JARID2: variants seen among roughly 807,000 people sequenced by gnomAD.
JARID2 encodes protein Jumonji.
JARID2 carries 21 observed loss-of-function variants against 125.6 expected under a neutral mutation model. The observed-to-expected ratio is 0.17, with a 90% CI of 0.12 to 0.24. The LOEUF (loss-of-function observed/expected upper bound fraction) is 0.24. JARID2 is among the 10% of genes least tolerant of loss of function. The pLI, the probability that JARID2 is intolerant of heterozygous loss-of-function variation, is 1.00. For synonymous variants in JARID2, 736 were observed against 661.6 expected (o/e 1.11, Z -1.73); for missense variants, 1,303 against 1,639.6 (o/e 0.79, Z 3.55).
At chr6:15,381,797 C>G (rs1764599883) in intron 2 of JARID2, among the ~76,000 whole-genome samples, 1 of 152,134 alleles carries the variant, frequency 6.6e-6, no homozygotes, top group Admixed American at 6.5e-5. Context: ...GTCCTAATAC[C>G]TTATTTCATC....
intron 1 of JARID2, among the ~76,000 whole-genome samples, chr6:15,290,207 T>C (rs1456889361): frequency 6.6e-6 from 1 of 152,258 alleles, no homozygotes; most frequent in Non-Finnish European, 1.5e-5. Flanking sequence ...TCTCAGATTA[T>C]TCATGTTGTT....
rs2127755798 is a variant in JARID2, at chr6:15,507,228, A to C, written c.2634A>C (p.Pro878=). 1 of 1,613,830 alleles carries C rather than the reference A, an allele frequency of 6.2e-7. No homozygotes were observed. The highest frequency in any genetic ancestry group is 2.2e-5 in the East Asian group (1 of 44,876). The change falls in exon 10 of 18, where the codon CCA becomes CCC. Residue 878 remains proline, a synonymous_variant. Transcript: ENST00000341776. ...VDTNTHGSGF[P]VGKSEPFSRH... ...CCAACACTCACGGCAGTGGATTCCC[A>C]GTAGGAAAATCAGAACCCTTTTCGA...
intron 3 of JARID2, among the ~76,000 whole-genome samples, chr6:15,419,794 T>C (rs1766403891): frequency 6.6e-6 from 1 of 152,246 alleles, no homozygotes; most frequent in Admixed American, 6.5e-5. Context: ...CACAATTTTC[T>C]TTTGAATCCC....
intron 1 of JARID2, among the ~76,000 whole-genome samples, chr6:15,335,642 G>A (rs1015711541): frequency 6.6e-6 from 1 of 152,072 alleles, no homozygotes; most frequent in African/African-American, 2.4e-5. Flanking sequence ...GTGTCCCTGG[G>A]GGGTGTCTTT....
chr6:15,519,977 C>T (rs1771754520), intron 17 of JARID2, 92 bp from the exon 18 acceptor site: 1 of 1,037,328 alleles, frequency 9.6e-7, no homozygotes, highest in Non-Finnish European at 1.4e-6. Flanking sequence ...GACCGCTGCC[C>T]TCTGCCCTAA....
intron 1 of JARID2, chr6:15,247,533 C>CTTT (rs67284836): frequency 3.4e-4 from 275 of 808,810 alleles, no homozygotes; most frequent in African/African-American, 5.1e-4. Flanking sequence ...TTAAATAACT[C>CTTT]TTTTTTTTTT....
intron 5 of JARID2, among the ~76,000 whole-genome samples, chr6:15,470,613 C>A (rs1769028068): frequency 1.3e-5 from 2 of 152,148 alleles, no homozygotes; most frequent in South Asian, 4.1e-4. Flanking sequence ...AGGGTGCAAT[C>A]TCTTTTTAGG....
chr6:15,272,240 T>A (rs1760326430), intron 1 of JARID2, among the ~76,000 whole-genome samples: 1 of 152,246 alleles, frequency 6.6e-6, no homozygotes, highest in African/African-American at 2.4e-5. Context: ...TGTTGTCCTT[T>A]CTGAAGACCA....
At chr6:15,327,601 G>A (rs1229308206) in intron 1 of JARID2, among the ~76,000 whole-genome samples, 1 of 152,102 alleles carries the variant, frequency 6.6e-6, no homozygotes, top group Non-Finnish European at 1.5e-5. Context: ...GCTGCCAGTG[G>A]GTGGTGGGGA....
chr6:15,359,168 C>A (rs1437718470), intron 1 of JARID2, among the ~76,000 whole-genome samples: 2 of 152,190 alleles, frequency 1.3e-5, no homozygotes, highest in Non-Finnish European at 2.9e-5. Context: ...AGAAGAAATT[C>A]AAACCACAGT....
chr6:15,400,893 C>G, intron 2 of JARID2: 1 of 1,282,132 alleles, frequency 7.8e-7, no homozygotes, highest in Non-Finnish European at 1.0e-6. Flanking sequence ...CGCTCTTCCT[C>G]CCTCCCTCCC....
intron 1 of JARID2, among the ~76,000 whole-genome samples, chr6:15,370,641 A>C (rs1436798983): frequency 6.6e-6 from 1 of 151,772 alleles, no homozygotes; most frequent in Non-Finnish European, 1.5e-5. Context: ...GCGCCCGGCC[A>C]TATCTGGGCT....
intron 1 of JARID2, chr6:15,248,929 C>T: frequency 1.0e-6 from 1 of 985,828 alleles, no homozygotes; most frequent in Non-Finnish European, 1.2e-6. Context: ...CGCTCGGCCT[C>T]TGCCTTCCGC....
chr6:15,247,535 T>TG, intron 1 of JARID2: 1 of 809,868 alleles, frequency 1.2e-6, no homozygotes, highest in Middle Eastern at 6.0e-4. Flanking sequence ...AAATAACTCT[T>TG]TTTTTTTTTC....
chr6:15,520,782 G>GC lies in JARID2; in HGVS notation c.*532dup, dbSNP rs1468823458. ...TGAGCTTGTGATCTGGGAAGCCGGG[G>GC]CACCCCCGTTTTGTTTCTCTGGGCG... On this transcript the variant is annotated 3_prime_UTR_variant, in exon 18 of 18. Transcript: ENST00000341776. 4.4e-6 allele frequency: 2 copies of GC among 455,976 alleles called. No homozygotes were observed. The highest frequency in any genetic ancestry group is 2.3e-5 in the Admixed American group (1 of 42,562). 28.2% of individuals were successfully genotyped at this position (455,976 alleles called of 1,614,324 possible).
At chr6:15,323,460 T>C (rs1357098153) in intron 1 of JARID2, among the ~76,000 whole-genome samples, 1 of 152,196 alleles carries the variant, frequency 6.6e-6, no homozygotes, top group Non-Finnish European at 1.5e-5. Context: ...GACAGCAAAC[T>C]TGTCGTCTTT....
At chr6:15,300,722 T>TGTGTGTGTGGGA (rs1246745065) in intron 1 of JARID2, among the ~76,000 whole-genome samples, 1 of 111,118 alleles carries the variant, frequency 9.0e-6, no homozygotes, top group Non-Finnish European at 1.8e-5. Flanking sequence ...TGTGTGTGTG[T>TGTGTGTGTGGGA]GAGAGAGAGA....
chr6:15,417,622 T>A (rs942077090), intron 3 of JARID2, among the ~76,000 whole-genome samples: 10 of 152,158 alleles, frequency 6.6e-5, no homozygotes, highest in African/African-American at 2.4e-4. Context: ...CATGAGCCTG[T>A]AGTCCCAGTT....
chr6:15,339,815 G>A (rs547886323), intron 1 of JARID2, among the ~76,000 whole-genome samples: 2 of 152,240 alleles, frequency 1.3e-5, no homozygotes, highest in East Asian at 3.9e-4. Flanking sequence ...GATTACAGGC[G>A]TGAGCCACCA....
Sources: allele counts gnomAD v4.1 joint callset (sites outside exome capture counted in the v4.1 genomes callset), GRCh38; gene constraint gnomAD v4.1.1; transcripts MANE v1.5; gene names NCBI Gene and HGNC (gene_info 2026-07-23, HGNC 2026-07-21).